The following MSRA variants were observed in gnomAD, a reference collection of about 807,000 sequenced individuals.
MSRA encodes the protein methionine sulfoxide reductase A.
In MSRA, 54 loss-of-function variants were observed where a neutral mutation model predicts 31.3. The observed-to-expected ratio is 1.73, with a 90% CI of 1.39 to 2.17. MSRA has a LOEUF of 2.17. MSRA is among the 30% of genes most tolerant of loss of function. The pLI is 0.00. For missense variants in MSRA, 507 were observed against 300.9 expected, an observed-to-expected ratio of 1.69 and a Z score of -5.07; for synonymous variants, 169 against 116.5, an observed-to-expected ratio of 1.45 and a Z score of -2.90.
At chr8:10,209,085 A>G (rs962948258) in intron 2 of MSRA, among the ~76,000 whole-genome samples, 1 of 152,178 alleles carries the variant, frequency 6.6e-6, no homozygotes, top group Non-Finnish European at 1.5e-5. Context: ...TTTAAAACAT[A>G]CTGATCAGTG....
At chr8:10,208,431 A>T (rs950499645) in intron 2 of MSRA, among the ~76,000 whole-genome samples, 1 of 152,226 alleles carries the variant, frequency 6.6e-6, no homozygotes, top group Admixed American at 6.5e-5. Flanking sequence ...GGTTGAGCAG[A>T]ACTTCTCTGT....
At chr8:10,285,473 G>C (rs758864725) in intron 3 of MSRA, among the ~76,000 whole-genome samples, 1 of 152,080 alleles carries the variant, frequency 6.6e-6, no homozygotes, top group Admixed American at 6.6e-5. Flanking sequence ...CACCTCAGAC[G>C]TTTATCATTT....
chr8:10,240,101 G>A (rs985748365), intron 2 of MSRA, among the ~76,000 whole-genome samples: 1 of 152,220 alleles, frequency 6.6e-6, no homozygotes, highest in African/African-American at 2.4e-5. Flanking sequence ...AGTTGGCCAA[G>A]ACCCTGAAGG....
intron 3 of MSRA, among the ~76,000 whole-genome samples, chr8:10,279,963 A>G (rs1408391485): frequency 6.6e-6 from 1 of 152,162 alleles, no homozygotes; most frequent in Non-Finnish European, 1.5e-5. Flanking sequence ...TAGGCCTGAT[A>G]TTTTCCTTTT....
In MSRA at chr8:10,272,914, A is replaced by G. The variant is rs76723770; in HGVS notation, c.331+27691A>G. Among the ~76,000 whole-genome samples the G allele has an allele frequency of 1.7e-3, 264 of 152,312 alleles. 5 individuals carry two copies. In the East Asian group the frequency reaches 0.039, roughly 23 times the overall value. ...TAACAGCATCTGTAGCAAATTTAGG[A>G]GAAACTGCACAAGTTAGAAGGTATC... On this transcript the variant is annotated intron_variant, in intron 3 of 5. Coordinates refer to ENST00000317173, the MANE Select transcript of MSRA (RefSeq NM_012331.5).
chr8:10,279,096 A>G (rs1799480351), intron 3 of MSRA, among the ~76,000 whole-genome samples: 1 of 152,060 alleles, frequency 6.6e-6, no homozygotes, highest in South Asian at 2.1e-4. Flanking sequence ...TCCTACCATA[A>G]TTTTTACCAG....
At chr8:10,056,213 A>AC (rs1563379491) in intron 1 of MSRA, among the ~76,000 whole-genome samples, 86 of 150,840 alleles carry the variant, frequency 5.7e-4, no homozygotes, top group African/African-American at 1.7e-3. Context: ...AAAAAAAAAA[A>AC]AAAAAAAACC....
chr8:10,095,084 T>G (rs914485049), intron 1 of MSRA, among the ~76,000 whole-genome samples: 2 of 152,244 alleles, frequency 1.3e-5, no homozygotes, highest in Non-Finnish European at 2.9e-5. Flanking sequence ...GGTTTTAATT[T>G]TAATCTGCAT....
chr8:10,151,436 T>G (rs983122210), intron 1 of MSRA, among the ~76,000 whole-genome samples: 5 of 151,412 alleles, frequency 3.3e-5, no homozygotes, highest in Non-Finnish European at 7.4e-5. Context: ...GAGGTCAGGA[T>G]ATCGAGACCA....
In MSRA at chr8:10,318,639, A is replaced by G. The variant is rs192061715; in HGVS notation, c.437-1244A>G. Reference sequence around the variant, plus strand: ...TTATAAAGCCTGTTTAGATCAATTTATGACAGTCAAATATTTCGTTTGTTT... The same window carrying G: ...TTATAAAGCCTGTTTAGATCAATTTGTGACAGTCAAATATTTCGTTTGTTT... On this transcript the variant is annotated intron_variant, in intron 4 of 5. Coordinates refer to ENST00000317173, the MANE Select transcript of MSRA (RefSeq NM_012331.5). Among the ~76,000 whole-genome samples the G allele has an allele frequency of 1.4e-3, 217 of 152,302 alleles. 4 individuals carry two copies. Among genetic ancestry groups the G allele is most frequent in the Admixed American group, 0.014 (215 of 15,300 alleles).
At chr8:10,122,521 T>C (rs1801199654) in intron 1 of MSRA, among the ~76,000 whole-genome samples, 1 of 151,124 alleles carries the variant, frequency 6.6e-6, no homozygotes, top group African/African-American at 2.4e-5. Flanking sequence ...GCAGTGGAAG[T>C]ATTTTTTTGT....
intron 1 of MSRA, among the ~76,000 whole-genome samples, chr8:10,196,925 T>C (rs1429154562): frequency 6.6e-6 from 1 of 152,248 alleles, no homozygotes; most frequent in East Asian, 1.9e-4. Flanking sequence ...TATGACTCTT[T>C]ATAGATATGT....
chr8:10,169,153 C>T (rs1348436434), intron 1 of MSRA, among the ~76,000 whole-genome samples: 1 of 152,214 alleles, frequency 6.6e-6, no homozygotes, highest in Non-Finnish European at 1.5e-5. Flanking sequence ...TGTCCAGAGA[C>T]AGGGGCAGAC....
intron 1 of MSRA, among the ~76,000 whole-genome samples, chr8:10,092,906 A>G (rs1376296494): frequency 6.6e-6 from 1 of 152,112 alleles, no homozygotes; most frequent in Non-Finnish European, 1.5e-5. Context: ...TCTCTTCTTG[A>G]TGAATTAACC....
chr8:10,056,964 A>C (rs1281225692), intron 1 of MSRA, among the ~76,000 whole-genome samples: 1 of 152,142 alleles, frequency 6.6e-6, no homozygotes, highest in African/African-American at 2.4e-5. Flanking sequence ...CCATTACCAA[A>C]TACTTGAGGT....
At chr8:10,243,586 T>G (rs1351600669) in intron 2 of MSRA, among the ~76,000 whole-genome samples, 3 of 152,314 alleles carry the variant, frequency 2.0e-5, no homozygotes, top group East Asian at 3.9e-4. Context: ...TATTTTGCTT[T>G]TCTTTAAAAA....
intron 5 of MSRA, among the ~76,000 whole-genome samples, chr8:10,424,370 A>G (rs1168375956): frequency 7.3e-6 from 1 of 136,170 alleles, no homozygotes; most frequent in African/African-American, 2.8e-5. Flanking sequence ...AATGGGGAGA[A>G]GGCCCGGGGT....
intron 4 of MSRA, among the ~76,000 whole-genome samples, chr8:10,309,707 G>T (rs558877624): frequency 6.6e-6 from 1 of 152,338 alleles, no homozygotes; most frequent in African/African-American, 2.4e-5. Flanking sequence ...TGGGGATTCT[G>T]TGGGGCTCCT....
chr8:10,207,839 A>G lies in MSRA; in HGVS notation c.149A>G (p.His50Arg), dbSNP rs1433079697. 6.2e-7 allele frequency: 1 copy of G among 1,609,732 alleles called. No individual in the cohort carries two copies. The highest frequency in any genetic ancestry group is 1.1e-5 in the South Asian group (1 of 90,180). The stretch of plus-strand genomic sequence containing the variant: ...TCTTTTTTTTTTTTTCTAGCCAAAC[A>G]TCATGTCAATGGCAACAGAACAGTC... Reference protein sequence around the residue: ...RKEQTPVAAKHHVNGNRTVEP... With the variant: ...RKEQTPVAAKRHVNGNRTVEP... The change falls in exon 2 of 6, where the codon CAT becomes CGT. Residue 50 changes from histidine to arginine, a missense_variant. By Grantham distance (29) the His-to-Arg change is conservative. Transcript: ENST00000317173.
Sources: allele counts gnomAD v4.1 joint callset (sites outside exome capture counted in the v4.1 genomes callset), GRCh38; gene constraint gnomAD v4.1.1; transcripts MANE v1.5; gene names NCBI Gene and HGNC (gene_info 2026-07-23, HGNC 2026-07-21).